The following NEDD4 variants were observed in gnomAD, a reference collection of about 807,000 sequenced individuals.
NEDD4 encodes the protein E3 ubiquitin-protein ligase NEDD4.
A neutral mutation model predicts 144.9 loss-of-function variants in NEDD4; 99 were observed. The observed-to-expected ratio is 0.68, with a 90% CI of 0.58 to 0.81. The LOEUF (loss-of-function observed/expected upper bound fraction) is 0.81. Ranked by LOEUF, NEDD4 falls within the 30% of genes least tolerant of loss-of-function variation. The probability of loss-of-function intolerance (pLI) is 0.00; values close to 1 mark genes in which losing one functional copy is unlikely to be tolerated. For synonymous variants in NEDD4, 318 were observed against 350.6 expected (o/e 0.91, Z 1.04); for missense variants, 985 against 1,065.9 (o/e 0.92, Z 1.06).
At chr15:55,906,972 G>GTT (rs1216458952) in intron 5 of NEDD4, among the ~76,000 whole-genome samples, 19 of 151,926 alleles carry the variant, frequency 1.3e-4, no homozygotes, top group Admixed American at 1.2e-3. Flanking sequence ...GCACGTACCT[G>GTT]TAATCCCAGC....
At chr15:55,896,860 ATAATT>A (rs2035753811) in intron 5 of NEDD4, among the ~76,000 whole-genome samples, 1 of 152,140 alleles carries the variant, frequency 6.6e-6, no homozygotes, top group Non-Finnish European at 1.5e-5. Context: ...TAGTTTTAAC[ATAATT>A]TATCTATTTA....
chr15:55,921,472 G>A (rs565296413), intron 5 of NEDD4, among the ~76,000 whole-genome samples: 4 of 151,964 alleles, frequency 2.6e-5, no homozygotes, highest in South Asian at 4.2e-4. Flanking sequence ...CTACAGGTGC[G>A]CACCATCAGG....
chr15:55,886,571 C>T (rs1322045703), intron 5 of NEDD4, among the ~76,000 whole-genome samples: 2 of 152,026 alleles, frequency 1.3e-5, no homozygotes, highest in Non-Finnish European at 2.9e-5. Context: ...CGAGACCATC[C>T]TGCCAACATG....
intron 1 of NEDD4, 97 bp from the exon 2 acceptor site, chr15:55,966,643 A>T (rs1162670503): frequency 1.8e-5 from 9 of 488,794 alleles, no homozygotes; most frequent in Non-Finnish European, 1.8e-5. Flanking sequence ...TAATTAGGAT[A>T]TTAAAATTAA....
At chr15:55,985,891 C>T (rs1042361799) in intron 1 of NEDD4, among the ~76,000 whole-genome samples, 16 of 152,046 alleles carry the variant, frequency 1.1e-4, no homozygotes, top group African/African-American at 3.4e-4. Context: ...TAAATAGGAC[C>T]AGTGCTTCTA....
intron 14 of NEDD4, among the ~76,000 whole-genome samples, chr15:55,850,049 C>T (rs1595746698): frequency 1.3e-5 from 2 of 152,072 alleles, no homozygotes; most frequent in Middle Eastern, 3.4e-3. Context: ...TCTCCCCCCT[C>T]GGCCTCCCAA....
chr15:55,863,364 T>C (rs923094754), intron 8 of NEDD4, among the ~76,000 whole-genome samples: 20 of 152,142 alleles, frequency 1.3e-4, no homozygotes, highest in Non-Finnish European at 2.1e-4. Flanking sequence ...ACCAGGTTCT[T>C]CCTGGGTGAC....
intron 1 of NEDD4, among the ~76,000 whole-genome samples, chr15:55,973,054 A>C (rs373614012): frequency 1.8e-4 from 27 of 152,304 alleles, no homozygotes; most frequent in South Asian, 1.2e-3. Context: ...TCAATATCCC[A>C]CTTTCGGCAC....
intron 4 of NEDD4, among the ~76,000 whole-genome samples, chr15:55,937,136 T>C (rs1459227991): frequency 1.3e-5 from 2 of 152,164 alleles, no homozygotes; most frequent in Non-Finnish European, 2.9e-5. Context: ...AGTTTCCCGT[T>C]TGTGTTGTCA....
At chr15:55,878,819 G>A (rs2035082455) in intron 5 of NEDD4, among the ~76,000 whole-genome samples, 1 of 152,108 alleles carries the variant, frequency 6.6e-6, no homozygotes, top group Admixed American at 6.5e-5. Flanking sequence ...TGGTTTTTTT[G>A]TTTGTTTGTT....
intron 5 of NEDD4, among the ~76,000 whole-genome samples, chr15:55,903,815 A>C (rs1595822091): frequency 8.1e-6 from 1 of 123,398 alleles, no homozygotes. Context: ...ACAGAGTGAG[A>C]CTCCATCTCA....
chr15:55,846,407 G>T (rs752267269), intron 18 of NEDD4, among the ~76,000 whole-genome samples: 1 of 152,208 alleles, frequency 6.6e-6, no homozygotes, highest in Non-Finnish European at 1.5e-5. Flanking sequence ...CAGATGATGA[G>T]TTTAGTTCCA....
At chr15:55,913,864 A>T (rs2036350252) in intron 5 of NEDD4, among the ~76,000 whole-genome samples, 1 of 151,992 alleles carries the variant, frequency 6.6e-6, no homozygotes, top group South Asian at 2.1e-4. Flanking sequence ...AGATTATTTC[A>T]TTAAGTGTAA....
At chr15:55,872,265 A>G (rs1326845831) in intron 7 of NEDD4, 150 bp downstream of exon 7, 2 of 224,900 alleles carry the variant, frequency 8.9e-6, no homozygotes, top group Non-Finnish European at 1.8e-5. Flanking sequence ...AATAGCAATG[A>G]AGCTTTTAAA....
chr15:55,859,330 A>T (rs1401074701), intron 11 of NEDD4, among the ~76,000 whole-genome samples: 5 of 152,206 alleles, frequency 3.3e-5, no homozygotes, highest in Non-Finnish European at 4.4e-5. Flanking sequence ...AATGTCATCT[A>T]TCTCCTTGTT....
intron 5 of NEDD4, among the ~76,000 whole-genome samples, chr15:55,899,218 C>T (rs980254204): frequency 2.6e-5 from 4 of 152,088 alleles, no homozygotes; most frequent in Admixed American, 1.3e-4. Flanking sequence ...CAAACCTTGG[C>T]ACAAGACTAC....
intron 1 of NEDD4, among the ~76,000 whole-genome samples, chr15:55,966,851 T>C (rs1175481170): frequency 6.6e-6 from 1 of 152,178 alleles, no homozygotes; most frequent in Middle Eastern, 3.2e-3. Context: ...CAATTATTGC[T>C]ATATATGTAC....
In NEDD4 at chr15:55,872,456, C is replaced by T. The variant is rs765582532; in HGVS notation, c.363G>A (p.Glu121=). Residue 121 remains glutamate (E), a synonymous_variant, in exon 7 of 29, where the codon GAG becomes GAA. Coordinates refer to ENST00000435532, the MANE Select transcript of NEDD4 (RefSeq NM_006154.4). The part of the protein sequence containing the change: ...YPLPTENPRL[E]RPYTFKDFVL... ...CAAAATCCTTAAATGTATATGGTCT[C>T]TCCAATCTTGGATTTTCTGTCTAGA... The T allele has an allele frequency of 1.4e-5, 20 of 1,464,844 alleles. No individual in the cohort carries two copies. Among genetic ancestry groups the T allele is most frequent in the Non-Finnish European group, 1.7e-5 (18 of 1,090,274 alleles). 90.7% of individuals were successfully genotyped at this position (1,464,844 alleles called of 1,614,324 possible). A position where few individuals can be genotyped will look rare whatever the true frequency, so the allele number is the denominator to read the frequency against.
chr15:55,943,065 C>T (rs1376153834), intron 4 of NEDD4, among the ~76,000 whole-genome samples: 7 of 152,192 alleles, frequency 4.6e-5, no homozygotes, highest in Admixed American at 2.6e-4. Context: ...AGATGATTTA[C>T]GGTATCTGGC....
Sources: gnomAD v4.1 joint callset for allele counts (sites outside exome capture counted in the v4.1 genomes callset) on GRCh38, gnomAD v4.1.1 for gene constraint, MANE v1.5 for transcripts, NCBI Gene and HGNC (gene_info 2026-07-23, HGNC 2026-07-21) for gene names.